The following COX7B2 variants were observed in gnomAD, a reference collection of about 807,000 sequenced individuals.
COX7B2 encodes the protein cytochrome c oxidase subunit 7B2.
For missense variants in COX7B2, 109 were observed against 95.9 expected (o/e 1.14, Z -0.57); for synonymous variants, 37 against 32.1 (o/e 1.15, Z -0.51).
At chr4:46,757,088 G>A (rs888045492) in intron 2 of COX7B2, among the ~76,000 whole-genome samples, 2 of 151,994 alleles carry the variant, frequency 1.3e-5, no homozygotes, top group Admixed American at 1.3e-4. Flanking sequence ...TCTATATCAT[G>A]TGTGATATCA....
intron 2 of COX7B2, among the ~76,000 whole-genome samples, chr4:46,742,272 C>G (rs1363275185): frequency 2.0e-5 from 3 of 152,086 alleles, no homozygotes; most frequent in Non-Finnish European, 4.4e-5. Flanking sequence ...TTTCCACTTG[C>G]TTTTATTTCC....
At chr4:46,906,108 C>A (rs1328142254) in intron 1 of COX7B2, among the ~76,000 whole-genome samples, 1 of 152,040 alleles carries the variant, frequency 6.6e-6, no homozygotes, top group African/African-American at 2.4e-5. Flanking sequence ...GGGTTACAGG[C>A]GTGAGCCACC....
chr4:46,830,336 A>G (rs1252845522), intron 2 of COX7B2, among the ~76,000 whole-genome samples: 2 of 151,598 alleles, frequency 1.3e-5, no homozygotes, highest in African/African-American at 2.4e-5. Flanking sequence ...AAAAAAAAAA[A>G]AAAAAAAGAA....
chr4:46,780,914 T>C (rs1717411515), intron 2 of COX7B2, among the ~76,000 whole-genome samples: 2 of 152,248 alleles, frequency 1.3e-5, no homozygotes, highest in Non-Finnish European at 2.9e-5. Flanking sequence ...GTCAATGTCT[T>C]ACTTTACTGC....
intron 1 of COX7B2, among the ~76,000 whole-genome samples, chr4:46,868,111 T>C (rs1371968484): frequency 2.0e-5 from 3 of 152,120 alleles, no homozygotes; most frequent in Middle Eastern, 6.3e-3. Flanking sequence ...CTTGGGAGGG[T>C]GTATATATCC....
At chr4:46,856,732 T>C (rs1351270150) in intron 1 of COX7B2, among the ~76,000 whole-genome samples, 1 of 152,156 alleles carries the variant, frequency 6.6e-6, no homozygotes, top group African/African-American at 2.4e-5. Context: ...CAAAGAGGTA[T>C]TTTTGGTTTG....
At chr4:46,742,815 C>T (rs759980315) in intron 2 of COX7B2, among the ~76,000 whole-genome samples, 6 of 152,084 alleles carry the variant, frequency 3.9e-5, no homozygotes. Context: ...GAGGTAGGCA[C>T]TCTCGCTCAG....
In COX7B2 at chr4:46,767,712, C is replaced by T. The variant is rs147429449; in HGVS notation, c.-49-32471G>A. Among the ~76,000 whole-genome samples, 36 of 152,142 alleles carry T rather than the reference C, an allele frequency of 2.4e-4. 1 individual carries two copies. The East Asian group carries it at 7.0e-3, about 29-fold the overall frequency. ...AACAGGAGAAAAACTGGAAATTTCA[C>T]AAGTATGTGAAAATAAAACATACTC... On this transcript the variant is annotated intron_variant, in intron 2 of 2. Transcript: ENST00000355591.
intron 2 of COX7B2, among the ~76,000 whole-genome samples, chr4:46,767,841 A>T (rs770892227): frequency 4.6e-5 from 7 of 152,242 alleles, no homozygotes; most frequent in Admixed American, 1.3e-4. Context: ...TCAGTTCTAA[A>T]CTAAGAGTTT....
intron 1 of COX7B2, among the ~76,000 whole-genome samples, chr4:46,864,684 G>A (rs1277709637): frequency 2.0e-5 from 3 of 146,512 alleles, no homozygotes; most frequent in Non-Finnish European, 3.1e-5. Context: ...ACGGAGTCTC[G>A]CCCAGGCTGG....
At chr4:46,904,643 A>G (rs1720267900) in intron 1 of COX7B2, among the ~76,000 whole-genome samples, 1 of 152,232 alleles carries the variant, frequency 6.6e-6, no homozygotes, top group Non-Finnish European at 1.5e-5. Context: ...CACAAACATT[A>G]CACAGGCATT....
intron 1 of COX7B2, among the ~76,000 whole-genome samples, chr4:46,879,950 T>C (rs1047356627): frequency 2.0e-5 from 3 of 152,186 alleles, no homozygotes; most frequent in Non-Finnish European, 2.9e-5. Flanking sequence ...AGTATATTCT[T>C]TCTTTTGCCT....
chr4:46,807,307 T>G (rs1240916215), intron 2 of COX7B2, among the ~76,000 whole-genome samples: 1 of 152,040 alleles, frequency 6.6e-6, no homozygotes, highest in East Asian at 1.9e-4. Context: ...CATTTATGTC[T>G]TCTTTGGAGA....
intron 2 of COX7B2, among the ~76,000 whole-genome samples, chr4:46,736,231 A>G (rs1166083976): frequency 3.3e-5 from 5 of 152,222 alleles, no homozygotes; most frequent in Admixed American, 6.5e-5. Flanking sequence ...ACAGAAAGCC[A>G]ATCACTGAGA....
In COX7B2 at chr4:46,790,213, T is replaced by A. The variant is rs191679352; in HGVS notation, c.-50+54747A>T. On this transcript the variant is annotated intron_variant, in intron 2 of 2. Coordinates refer to ENST00000355591, the MANE Select transcript of COX7B2 (RefSeq NM_130902.3). ...TCTGTCTTAGGTGTATTCCTTGTGA[T>A]TCTGTTAACTTACTCCACAAATATT... Among the ~76,000 whole-genome samples the A allele has an allele frequency of 1.2e-3, 187 of 152,320 alleles. 1 individual carries two copies. Among genetic ancestry groups the A allele is most frequent in the African/African-American group, 4.3e-3 (177 of 41,574 alleles).
intron 1 of COX7B2, among the ~76,000 whole-genome samples, chr4:46,884,190 G>A (rs1718925058): frequency 6.6e-6 from 1 of 151,760 alleles, no homozygotes; most frequent in Admixed American, 6.6e-5. Flanking sequence ...GGGGGTGGTG[G>A]TGGTGTTTGT....
intron 2 of COX7B2, among the ~76,000 whole-genome samples, chr4:46,739,450 C>T (rs1173268579): frequency 6.6e-6 from 1 of 152,106 alleles, no homozygotes; most frequent in African/African-American, 2.4e-5. Context: ...AACTACTGTA[C>T]GTTACAGCCT....
At chr4:46,790,019 CA>C in intron 2 of COX7B2, among the ~76,000 whole-genome samples, 1 of 151,180 alleles carries the variant, frequency 6.6e-6, no homozygotes, top group South Asian at 2.1e-4. Context: ...AAAAAAACAG[CA>C]AAAACTTGGT....
intron 1 of COX7B2, among the ~76,000 whole-genome samples, chr4:46,881,192 C>T (rs182596266): frequency 2.0e-5 from 3 of 152,054 alleles, no homozygotes; most frequent in African/African-American, 2.4e-5. Context: ...GAAGACCTGA[C>T]GACATGTGCC....
Sources: allele counts gnomAD v4.1 joint callset (sites outside exome capture counted in the v4.1 genomes callset), GRCh38; gene constraint gnomAD v4.1.1; transcripts MANE v1.5; gene names NCBI Gene and HGNC (gene_info 2026-07-23, HGNC 2026-07-21).